The following WDR12 variants were observed in gnomAD, a reference collection of about 807,000 sequenced individuals.
The protein encoded by WDR12 is WD repeat domain 12.
WDR12 carries 42 observed loss-of-function variants against 64.3 expected under a neutral mutation model. That is an observed-to-expected ratio of 0.65 (90% confidence interval 0.51 to 0.84). The LOEUF is 0.84. Ranked by LOEUF, WDR12 falls within the 40% of genes least tolerant of loss-of-function variation. The probability of loss-of-function intolerance (pLI) is 0.00; values close to 1 mark genes in which losing one functional copy is unlikely to be tolerated. For missense variants in WDR12, 469 were observed against 494.6 expected (o/e 0.95, Z 0.49); for synonymous variants, 158 against 173.3 (o/e 0.91, Z 0.70).
chr2:202,897,875 C>T lies in WDR12; in HGVS notation c.339-460G>A, dbSNP rs771805654. ...CTGCACACCAGCCTGGGTGACAGAG[C>T]GAGACTCCGTTTCAAAAAAAAAAAA... On this transcript the variant is annotated intron_variant, in intron 4 of 12. Coordinates refer to ENST00000261015, the MANE Select transcript of WDR12 (RefSeq NM_018256.4). Among the ~76,000 whole-genome samples the T allele has an allele frequency of 8.3e-4, 76 of 91,856 alleles. 1 individual carries two copies. Among genetic ancestry groups the T allele is most frequent in the Non-Finnish European group, 4.0e-4 (20 of 49,860 alleles). 60.3% of individuals were successfully genotyped at this position (91,856 alleles called of 152,430 possible).
At chr2:202,906,632 G>A (rs186072979) in intron 2 of WDR12, among the ~76,000 whole-genome samples, 26 of 152,288 alleles carry the variant, frequency 1.7e-4, no homozygotes, top group African/African-American at 6.3e-4. Context: ...GGGAGGCCCA[G>A]GAGGGTGGAT....
At chr2:202,891,218 C>A (rs922936728) in intron 8 of WDR12, among the ~76,000 whole-genome samples, 2 of 152,130 alleles carry the variant, frequency 1.3e-5, no homozygotes, top group Non-Finnish European at 2.9e-5. Context: ...GTTGCTCAGG[C>A]TAGAGTCCAG....
intron 2 of WDR12, among the ~76,000 whole-genome samples, chr2:202,901,856 G>T (rs542865792): frequency 1.7e-4 from 26 of 151,770 alleles, no homozygotes; most frequent in East Asian, 5.8e-4. Context: ...GGTTTTTTGG[G>T]TTTTTTTTGA....
intron 2 of WDR12, among the ~76,000 whole-genome samples, chr2:202,905,734 T>C (rs1375850138): frequency 6.6e-6 from 1 of 152,186 alleles, no homozygotes; most frequent in African/African-American, 2.4e-5. Context: ...TGGGTAGAAT[T>C]GGAGGTCATT....
intron 4 of WDR12, among the ~76,000 whole-genome samples, chr2:202,898,682 T>C (rs1038823572): frequency 1.3e-5 from 2 of 152,212 alleles, no homozygotes; most frequent in South Asian, 2.1e-4. Flanking sequence ...TAAAATAGTA[T>C]GCTATGCATC....
chr2:202,911,497 T>C lies in WDR12; in HGVS notation c.-21A>G. 6.2e-7 allele frequency: 1 copy of C among 1,613,532 alleles called. No homozygotes were observed. Among genetic ancestry groups the C allele is most frequent in the South Asian group, 1.1e-5 (1 of 91,066 alleles). On this transcript the variant is annotated 5_prime_UTR_variant, in exon 1 of 13. Coordinates refer to ENST00000261015, the MANE Select transcript of WDR12 (RefSeq NM_018256.4). The stretch of plus-strand genomic sequence containing the variant: ...GCCATGGCGAGGAGTACACACGACT[T>C]GCCCACGGAAACGTACGGGTTAGCA...
Position 202,880,494 on chromosome 2 carries a change from G to C in WDR12, c.*366C>G, listed in dbSNP as rs1687929756. On this transcript the variant is annotated 3_prime_UTR_variant, in exon 13 of 13. Coordinates refer to ENST00000261015, the MANE Select transcript of WDR12 (RefSeq NM_018256.4). ...ACCTAGGAAGCGGAGGTTGCAGTGA[G>C]TTGAGATTGCGCCACTGCACTCCAG... The C allele has an allele frequency of 6.5e-6, 1 of 153,872 alleles. No individual in the cohort carries two copies. Among genetic ancestry groups the C allele is most frequent in the Non-Finnish European group, 1.4e-5 (1 of 70,300 alleles). The allele number at this position is 153,872 out of a possible 1,614,324, so 9.5% of individuals were successfully genotyped here. A position where few individuals can be genotyped will look rare whatever the true frequency, so the allele number is the denominator to read the frequency against.
chr2:202,904,960 A>G (rs1256276278), intron 2 of WDR12, among the ~76,000 whole-genome samples: 3 of 152,260 alleles, frequency 2.0e-5, no homozygotes, highest in Admixed American at 6.5e-5. Context: ...AAGGAGCTCA[A>G]AAAGCTCTGT....
intron 8 of WDR12, among the ~76,000 whole-genome samples, chr2:202,891,884 TACAA>T (rs1688162597): frequency 6.6e-6 from 1 of 151,920 alleles, no homozygotes; most frequent in Admixed American, 6.6e-5. Flanking sequence ...AAGCACAGAG[TACAA>T]CAGTGGTTGC....
chr2:202,892,617 C>T lies in WDR12; in HGVS notation c.741G>A (p.Arg247=). 1 of 1,610,642 alleles carries T rather than the reference C, an allele frequency of 6.2e-7. No homozygotes were observed. The highest frequency in any genetic ancestry group is 8.5e-7 in the Non-Finnish European group (1 of 1,177,506). ...KQKTEQLGLT[R]TPIVTLSGHM... ...ACAGTCAGTTCTCACAAATACTGAC[C>T]CTTGTTAGTCCCAACTGTTCTGTCT... is the stretch of plus-strand genomic sequence containing the variant. The change falls in exon 8 of 13, where the codon AGG becomes AGA. Residue 247 remains arginine (R), a splice_region_variant and synonymous_variant. Coordinates refer to ENST00000261015, the MANE Select transcript of WDR12 (RefSeq NM_018256.4).
chr2:202,894,841 T>C (rs1413500513), intron 6 of WDR12: 7 of 421,084 alleles, frequency 1.7e-5, no homozygotes, highest in Non-Finnish European at 3.0e-5. Flanking sequence ...AGAAAGCCAA[T>C]CTGAAGTGAG....
In WDR12 at chr2:202,880,636, C is replaced by A; in HGVS notation, c.*224G>T. Reference sequence around the variant, plus strand: ...AGAAATGTAAAACTCAGTTTAATTTCAAGTTTGTATAGAGAATGTATGCCA... The same window carrying A: ...AGAAATGTAAAACTCAGTTTAATTTAAAGTTTGTATAGAGAATGTATGCCA... On this transcript the variant is annotated 3_prime_UTR_variant, in exon 13 of 13. Transcript: ENST00000261015. 3.7e-6 allele frequency: 1 copy of A among 266,914 alleles called. No individual in the cohort carries two copies. Among genetic ancestry groups the A allele is most frequent in the Non-Finnish European group, 7.1e-6 (1 of 141,406 alleles). The allele number at this position is 266,914 out of a possible 1,614,324, so 16.5% of individuals were successfully genotyped here.
At chr2:202,884,602 C>A in intron 8 of WDR12, 67 bp from the exon 9 acceptor site, 1 of 1,484,320 alleles carries the variant, frequency 6.7e-7, no homozygotes, top group Non-Finnish European at 9.0e-7. Context: ...AATAATAGTA[C>A]TTATTACTTA....
At chr2:202,881,477 G>A (rs1484078610) in intron 12 of WDR12, among the ~76,000 whole-genome samples, 1 of 152,134 alleles carries the variant, frequency 6.6e-6, no homozygotes, top group Non-Finnish European at 1.5e-5. Context: ...GAGGTAAAAT[G>A]TTTCATGAAG....
At chr2:202,889,215 A>G (rs574528320) in intron 8 of WDR12, among the ~76,000 whole-genome samples, 1 of 152,344 alleles carries the variant, frequency 6.6e-6, no homozygotes, top group East Asian at 1.9e-4. Context: ...GAACTATGGG[A>G]GCAAGCTTAC....
intron 2 of WDR12, among the ~76,000 whole-genome samples, chr2:202,903,504 TGAGG>T (rs554926228): frequency 0.031 from 923 of 29,508 alleles, 8 homozygotes; most frequent in Middle Eastern, 0.097. Context: ...AGGAAGGAAG[TGAGG>T]GAGGGAGGGA....
rs188557798 is a variant in WDR12 at position 202,910,516 on chromosome 2, C to G, written c.41+920G>C. Among the ~76,000 whole-genome samples the G allele has an allele frequency of 2.0e-5, 3 of 152,182 alleles. No homozygotes were observed. In the East Asian group the frequency reaches 5.8e-4, roughly 29 times the overall value. On this transcript the variant is annotated intron_variant, in intron 1 of 12. Transcript: ENST00000261015. ...CCAGCCTGGGCAACAGAGTGAGACT[C>G]TGTCTCCAAAAAAACCAAACCAAAC...
rs779569116 is a variant in WDR12 at position 202,899,654 on chromosome 2, C to G, written c.232-17G>C. 1 of 1,608,042 alleles carries G rather than the reference C, an allele frequency of 6.2e-7. No individual in the cohort carries two copies. Among genetic ancestry groups the G allele is most frequent in the Non-Finnish European group, 8.5e-7 (1 of 1,175,602 alleles). On this transcript the variant is annotated splice_polypyrimidine_tract_variant and intron_variant, in intron 3 of 12. Coordinates refer to ENST00000261015, the MANE Select transcript of WDR12 (RefSeq NM_018256.4). ...AACTTCTTCCTAATCACAAGAGAAA[C>G]CAGCAACAAGTCAGGTGGTCTAGTT...
Position 202,880,899 on chromosome 2 carries a change from G to A in WDR12, c.1233C>T (p.Ser411=). The change falls in exon 13 of 13, where the codon TCC becomes TCT. Residue 411 remains serine (S), a synonymous_variant. Transcript: ENST00000261015. ...LSGGADNKLY[S]YRYSPTTSHV... is the part of the protein sequence containing the mutation. Reference sequence around the variant, plus strand: ...GGGAAGTGGTAGGTGAATATCTGTAGGAATACAATTTATTGTCTGCTCCTC... The same window carrying A: ...GGGAAGTGGTAGGTGAATATCTGTAAGAATACAATTTATTGTCTGCTCCTC... 6.2e-7 allele frequency: 1 copy of A among 1,609,890 alleles called. No homozygotes were observed. Among genetic ancestry groups the A allele is most frequent in the South Asian group, 1.1e-5 (1 of 90,254 alleles).
Sources: gnomAD v4.1 joint callset for allele counts (sites outside exome capture counted in the v4.1 genomes callset) on GRCh38, gnomAD v4.1.1 for gene constraint, MANE v1.5 for transcripts, NCBI Gene and HGNC (gene_info 2026-07-23, HGNC 2026-07-21) for gene names.